The following C2CD2L variants were observed in gnomAD, a reference collection of about 807,000 sequenced individuals.
C2CD2L encodes C2CD2 like, also known as phospholipid transfer protein C2CD2L.
In C2CD2L, 24 loss-of-function variants were observed where a neutral mutation model predicts 69.9. The ratio of observed to expected loss-of-function variants is 0.34; its 90% CI spans 0.25 to 0.48. The LOEUF is 0.48. C2CD2L is among the 20% of genes least tolerant of loss of function. C2CD2L has a pLI of 0.99. For synonymous variants in C2CD2L, 367 were observed against 391.0 expected (o/e 0.94, Z 0.72); for missense variants, 811 against 941.5 (o/e 0.86, Z 1.81).
chr11:119,107,963 G>A lies in C2CD2L; in HGVS notation c.222G>A (p.Ala74=), dbSNP rs1946632954. ...GVWRSLLRLR[A]TRAGAAEEPG... Reference sequence around the variant, plus strand: ...GGCGCTCGCTGCTGCGGCTGCGGGCGACTCGGGCTGGCGCCGCCGAGGAGC... The same window carrying A: ...GGCGCTCGCTGCTGCGGCTGCGGGCAACTCGGGCTGGCGCCGCCGAGGAGC... The change falls in exon 1 of 14, where the codon GCG becomes GCA. Residue 74 remains alanine (A), a synonymous_variant. Coordinates refer to ENST00000648610, the MANE Select transcript of C2CD2L (RefSeq NM_001290474.2). The surrounding 1 kb of genome is among the most constrained non-coding windows in gnomAD (Gnocchi z 5.4). 2 of 1,549,738 alleles carry A rather than the reference G, an allele frequency of 1.3e-6. No individual in the cohort carries two copies. The highest frequency in any genetic ancestry group is 1.9e-4 in the Middle Eastern group (1 of 5,188).
At position 119,118,011 on chromosome 11, in the gene C2CD2L, C is replaced by G. The variant is rs1337175815; in HGVS notation, c.*1755C>G. The G allele has an allele frequency of 6.6e-6, 1 of 152,124 alleles. No individual in the cohort carries two copies. The highest frequency in any genetic ancestry group is 2.4e-5 in the African/African-American group (1 of 41,408). 9.4% of individuals were successfully genotyped at this position (152,124 alleles called of 1,614,324 possible). ...AGCATGTGGAAATTGTTACTATTCC[C>G]CATGCTCCTGTCCACACTACTCACC... On this transcript the variant is annotated 3_prime_UTR_variant, in exon 14 of 14. Transcript: ENST00000648610.
Position 119,110,847 on chromosome 11 carries a change from T to C in C2CD2L, c.571T>C (p.Leu191=). ...HVTLTLPPTQ[L]EVNLEEIPGE... ...CCAGTCACTTTGTTCCTGTCTGTAG[T>C]TGGAAGTCAACCTGGAGGAAATCCC... The change falls in exon 4 of 14, where the codon TTG becomes CTG. Residue 191 remains leucine, a splice_region_variant and synonymous_variant. Coordinates refer to ENST00000648610, the MANE Select transcript of C2CD2L (RefSeq NM_001290474.2). The surrounding 1 kb of genome is among the most constrained non-coding windows in gnomAD (Gnocchi z 5.7). 4 of 1,614,004 alleles carry C rather than the reference T, an allele frequency of 2.5e-6. No individual in the cohort carries two copies. Among genetic ancestry groups the C allele is most frequent in the Non-Finnish European group, 3.4e-6 (4 of 1,179,902 alleles).
At position 119,110,350 on chromosome 11, in the gene C2CD2L, T is replaced by C; in HGVS notation, c.450+151T>C. ...GGAAGTCTGAGAATCCCATTGAAGT[T>C]ATGTGCAAAATGTTGGATGTGTGTT... is the stretch of plus-strand genomic sequence containing the variant. On this transcript the variant is annotated intron_variant, in intron 2 of 13. Transcript: ENST00000648610. This position sits in a 1 kb window ranked among gnomAD's most constrained non-coding sequence, Gnocchi z 5.7. 1.2e-6 allele frequency: 1 copy of C among 801,912 alleles called. No individual in the cohort carries two copies. Among genetic ancestry groups the C allele is most frequent in the African/African-American group, 1.7e-5 (1 of 57,830 alleles). 49.7% of individuals were successfully genotyped at this position (801,912 alleles called of 1,614,324 possible).
rs1177185871 is a variant in C2CD2L at position 119,117,482 on chromosome 11, CA to C, written c.*1228del. 1 of 152,164 alleles carries C rather than the reference CA, an allele frequency of 6.6e-6. No homozygotes were observed. The highest frequency in any genetic ancestry group is 2.4e-5 in the African/African-American group (1 of 41,420). 9.4% of individuals were successfully genotyped at this position (152,164 alleles called of 1,614,324 possible). ...TTCTAATTACTTGTGTGACCTTGGG[CA>C]AGTTATGTAACCTCTAAGTGCCTCA... is the stretch of plus-strand genomic sequence containing the variant. On this transcript the variant is annotated 3_prime_UTR_variant, in exon 14 of 14. Transcript: ENST00000648610.
chr11:119,108,384 C>T, intron 1 of C2CD2L: 1 of 357,658 alleles, frequency 2.8e-6, no homozygotes, highest in Non-Finnish European at 5.0e-6. Context: ...GCACTTCCGC[C>T]TTGCCTGGGT....
Position 119,110,955 on chromosome 11 carries a change from G to C in C2CD2L, c.679G>C (p.Glu227Gln). The change falls in exon 4 of 14, where the codon GAG (glutamate) becomes CAG (glutamine). Residue 227 changes from glutamate (E) to glutamine (Q), a missense_variant and splice_region_variant. Coordinates refer to ENST00000648610, the MANE Select transcript of C2CD2L (RefSeq NM_001290474.2). This position sits in a 1 kb window ranked among gnomAD's most constrained non-coding sequence, Gnocchi z 5.7. ...GGTGCTTCCCAAGCTTCAGGCCAGGGAGGTAAGGAGGCAGAGCTGGCAGAG... is the reference window on the plus strand; with the variant it reads ...GGTGCTTCCCAAGCTTCAGGCCAGGCAGGTAAGGAGGCAGAGCTGGCAGAG... ...LTVLPKLQARERGEEQVELST... is the reference protein window; with the variant it reads ...LTVLPKLQARQRGEEQVELST... The C allele has an allele frequency of 6.2e-7, 1 of 1,614,140 alleles. No individual in the cohort carries two copies. The highest frequency in any genetic ancestry group is 8.5e-7 in the Non-Finnish European group (1 of 1,179,956).
chr11:119,110,604 T>A lies in C2CD2L; in HGVS notation c.494T>A (p.Val165Asp). The A allele has an allele frequency of 6.2e-7, 1 of 1,611,698 alleles. No individual in the cohort carries two copies. The highest frequency in any genetic ancestry group is 8.5e-7 in the Non-Finnish European group (1 of 1,179,590). ...QLSAEEVRFP[V>D]SVTQQSPAAV... ...TCTGCTGAGGAGGTGCGGTTCCCAG[T>A]CTCTGTGACCCAGCAGTCCCCCGCT... Residue 165 changes from valine (V) to aspartate (D), a missense_variant, in exon 3 of 14, where the codon GTC (valine) becomes GAC (aspartate). Coordinates refer to ENST00000648610, the MANE Select transcript of C2CD2L (RefSeq NM_001290474.2). This position sits in a 1 kb window ranked among gnomAD's most constrained non-coding sequence, Gnocchi z 5.7.
In C2CD2L at chr11:119,110,490, A is replaced by G; in HGVS notation, c.451-71A>G. ...AACGGAAGTGGGGAGGGGTCTGCTG[A>G]ACTATTACAGGGCAGTTCAAAGCAG... is the stretch of plus-strand genomic sequence containing the variant. On this transcript the variant is annotated intron_variant, in intron 2 of 13. Transcript: ENST00000648610. The surrounding 1 kb of genome is among the most constrained non-coding windows in gnomAD (Gnocchi z 5.7). 6.5e-7 allele frequency: 1 copy of G among 1,532,764 alleles called. No individual in the cohort carries two copies. 94.9% of individuals were successfully genotyped at this position (1,532,764 alleles called of 1,614,324 possible). A position where few individuals can be genotyped will look rare whatever the true frequency, so the allele number is the denominator to read the frequency against.
At position 119,111,579 on chromosome 11, in the gene C2CD2L, C is replaced by T. The variant is rs747090293; in HGVS notation, c.969C>T (p.Thr323=). The change falls in exon 7 of 14, where the codon ACC becomes ACT. Residue 323 remains threonine (T), a synonymous_variant. Coordinates refer to ENST00000648610, the MANE Select transcript of C2CD2L (RefSeq NM_001290474.2). ...ACAACCCCATGCAGCAGAAGTGGAC[C>T]AAGCCCGCGAGGGCTGGATCCGAGG... The part of the protein sequence containing the change: ...ELDNPMQQKW[T]KPARAGSEVE... The T allele has an allele frequency of 2.5e-6, 4 of 1,614,040 alleles. No individual in the cohort carries two copies. Among genetic ancestry groups the T allele is most frequent in the South Asian group, 2.2e-5 (2 of 91,088 alleles).
intron 10 of C2CD2L, chr11:119,113,088 A>C (rs1440502239): frequency 1.7e-6 from 1 of 591,562 alleles, no homozygotes; most frequent in East Asian, 2.8e-5. Flanking sequence ...TCACTCTGCC[A>C]CCCTTCTGGA....
At position 119,107,467 on chromosome 11, in the gene C2CD2L, C is replaced by T. The variant is rs945910649; in HGVS notation, c.-275C>T. 9.4e-6 allele frequency: 3 copies of T among 317,544 alleles called. No homozygotes were observed. The highest frequency in any genetic ancestry group is 1.1e-5 in the Non-Finnish European group (2 of 174,592). The allele number at this position is 317,544 out of a possible 1,614,324, so 19.7% of individuals were successfully genotyped here. A position where few individuals can be genotyped will look rare whatever the true frequency, so the allele number is the denominator to read the frequency against. On this transcript the variant is annotated 5_prime_UTR_variant, in exon 1 of 14. Transcript: ENST00000648610. This position sits in a 1 kb window ranked among gnomAD's most constrained non-coding sequence, Gnocchi z 5.4. ...GCGGGGCCCGCGCGGTGGGAGGAGT[C>T]GGGCACTGGCCGGCGACTAACGGGT... is the stretch of plus-strand genomic sequence containing the variant.
At chr11:119,104,187 G>C (rs553621986), upstream of C2CD2L, among the ~76,000 whole-genome samples, 38 of 152,336 alleles carry the variant, frequency 2.5e-4, no homozygotes, top group Admixed American at 1.3e-3. Context: ...GGAGGAGCTT[G>C]TGGGATCCCA....
rs1946681699 is a variant in C2CD2L, at chr11:119,109,511, C to T, written c.355-593C>T. 1.3e-5 allele frequency among the ~76,000 whole-genome samples: 2 copies of T among 152,186 alleles called. No individual in the cohort carries two copies. Among genetic ancestry groups the T allele is most frequent in the Admixed American group, 1.3e-4 (2 of 15,284 alleles). The stretch of plus-strand genomic sequence containing the variant: ...TGAGCTTGTATCTCTTCCCAGTCCC[C>T]CTGGTACGGATCCCCAAGGCCATGC... On this transcript the variant is annotated intron_variant, in intron 1 of 13. Coordinates refer to ENST00000648610, the MANE Select transcript of C2CD2L (RefSeq NM_001290474.2). The surrounding 1 kb of genome is among the most constrained non-coding windows in gnomAD (Gnocchi z 5.1).
intron 7 of C2CD2L, 24 bp downstream of exon 7, chr11:119,111,653 C>G: frequency 6.6e-7 from 1 of 1,517,328 alleles, no homozygotes; most frequent in Admixed American, 1.7e-5. Flanking sequence ...CTGCCCCGAC[C>G]CCATGCTCCA....
chr11:119,105,758 C>G (rs1396906277), upstream of C2CD2L, among the ~76,000 whole-genome samples: 2 of 151,814 alleles, frequency 1.3e-5, no homozygotes, highest in Non-Finnish European at 2.9e-5. Context: ...TAGGACCAAG[C>G]ACTCAGTGGA....
At chr11:119,108,118 G>A (rs752371438) in intron 1 of C2CD2L, 23 bp downstream of exon 1, 1 of 1,516,504 alleles carries the variant, frequency 6.6e-7, no homozygotes, top group Non-Finnish European at 9.0e-7. Flanking sequence ...AAGCGCTTGG[G>A]TGGTCCCTTC....
chr11:119,116,126 A>G lies in C2CD2L; in HGVS notation c.1991A>G (p.Asp664Gly). 3 of 1,614,198 alleles carry G rather than the reference A, an allele frequency of 1.9e-6. No individual in the cohort carries two copies. Among genetic ancestry groups the G allele is most frequent in the Non-Finnish European group, 2.5e-6 (3 of 1,180,022 alleles). ...QKEAGLSQSHDDLSNATATPS... is the reference protein window; with the variant it reads ...QKEAGLSQSHGDLSNATATPS... ...GAAGCTGGCCTGAGCCAATCACACG[A>G]TGACCTCTCCAACGCAACGGCCACG... The change falls in exon 14 of 14, where the codon GAT (aspartate) becomes GGT (glycine). Residue 664 changes from aspartate (D) to glycine (G), a missense_variant. By Grantham distance (94) the Asp-to-Gly change is moderately conservative. Coordinates refer to ENST00000648610, the MANE Select transcript of C2CD2L (RefSeq NM_001290474.2).
In C2CD2L at chr11:119,114,166, C is replaced by A; in HGVS notation, c.1710C>A (p.Ser570Arg). 6.2e-7 allele frequency: 1 copy of A among 1,614,088 alleles called. No homozygotes were observed. Among genetic ancestry groups the A allele is most frequent in the African/African-American group, 1.3e-5 (1 of 75,028 alleles). Reference sequence around the variant, plus strand: ...CAGTGCAGGATGATGCAGGGACCAGCGGAGGCCCCTCTTCACCTCCCTCAG... The same window carrying A: ...CAGTGCAGGATGATGCAGGGACCAGAGGAGGCCCCTCTTCACCTCCCTCAG... ...EASVQDDAGTSGGPSSPPSDP... is the reference protein window; with the variant it reads ...EASVQDDAGTRGGPSSPPSDP... The change falls in exon 13 of 14, where the codon AGC becomes AGA. Residue 570 changes from serine (S) to arginine (R), a missense_variant. Transcript: ENST00000648610. This position sits in a 1 kb window ranked among gnomAD's most constrained non-coding sequence, Gnocchi z 5.1.
rs1946932880 is a variant in C2CD2L, at chr11:119,117,990, T to G, written c.*1734T>G. Reference sequence around the variant, plus strand: ...GGCACATGCCTTTGGGTAGATAGCATGTGGAAATTGTTACTATTCCCCATG... The same window carrying G: ...GGCACATGCCTTTGGGTAGATAGCAGGTGGAAATTGTTACTATTCCCCATG... On this transcript the variant is annotated 3_prime_UTR_variant, in exon 14 of 14. Transcript: ENST00000648610. 6.6e-6 allele frequency: 1 copy of G among 152,190 alleles called. No homozygotes were observed. Among genetic ancestry groups the G allele is most frequent in the African/African-American group, 2.4e-5 (1 of 41,444 alleles). The allele number at this position is 152,190 out of a possible 1,614,324, so 9.4% of individuals were successfully genotyped here. A position where few individuals can be genotyped will look rare whatever the true frequency, so the allele number is the denominator to read the frequency against.
Sources: gnomAD v4.1 joint callset for allele counts (sites outside exome capture counted in the v4.1 genomes callset) on GRCh38, gnomAD v4.1.1 for gene constraint, Gnocchi (gnomAD v3.1) non-coding constraint, MANE v1.5 for transcripts, NCBI Gene and HGNC (gene_info 2026-07-23, HGNC 2026-07-21) for gene names.